Variants in THOC2 observed in about 807,000 individuals in gnomAD.
THOC2 encodes THO complex subunit 2.
THOC2 carries 10 observed loss-of-function variants against 128.4 expected under a neutral mutation model. The ratio of observed to expected loss-of-function variants is 0.08; its 90% CI spans 0.05 to 0.13. The LOEUF is 0.13. Ranked by LOEUF, THOC2 falls within the 10% of genes least tolerant of loss-of-function variation. THOC2 has a pLI of 1.00. For missense variants in THOC2, 535 were observed against 1,155.7 expected, an observed-to-expected ratio of 0.46 and a Z score of 7.79; for synonymous variants, 393 against 396.9, an observed-to-expected ratio of 0.99 and a Z score of 0.12.
chrX:123,609,393 A>C (rs1422454541), intron 38 of THOC2, among the ~76,000 whole-genome samples: 1 of 112,042 alleles, frequency 8.9e-6, no homozygotes, highest in Non-Finnish European at 1.9e-5. Context: ...AGCACCAAAA[A>C]AGCAGGAAAA....
chrX:123,602,451 G>C (rs1052276509), intron 38 of THOC2: 27 of 112,357 alleles, frequency 2.4e-4, no homozygotes, highest in African/African-American at 8.7e-4. Flanking sequence ...TTGAGAACAT[G>C]ATGCTAAGTG....
chrX:123,624,293 A>G, intron 26 of THOC2, 102 bp from the exon 27 acceptor site: 1 of 848,860 alleles, frequency 1.2e-6, no homozygotes, highest in African/African-American at 2.0e-5. Context: ...GTGTAAAAAC[A>G]TCATGCGTAT....
At chrX:123,713,814 T>C (rs1294295637) in intron 1 of THOC2, among the ~76,000 whole-genome samples, 5 of 102,808 alleles carry the variant, frequency 4.9e-5, no homozygotes, top group African/African-American at 1.4e-4. Context: ...GACTGCTCGC[T>C]CCACTGTACT....
chrX:123,665,460 T>C (rs1478314704), intron 12 of THOC2, among the ~76,000 whole-genome samples, 182 bp downstream of exon 12: 1 of 111,819 alleles, frequency 8.9e-6, no homozygotes, highest in Non-Finnish European at 1.9e-5. Flanking sequence ...ATTTCTCACC[T>C]GTCATTAAGC....
chrX:123,708,103 A>G (rs762032660), intron 2 of THOC2, among the ~76,000 whole-genome samples: 1 of 111,082 alleles, frequency 9.0e-6, no homozygotes, highest in South Asian at 3.7e-4. Context: ...TCAAAAAATA[A>G]AAATAAAAAT....
rs776713895 is a variant in THOC2 at position 123,621,539 on chromosome X, T to C, written c.3834A>G (p.Glu1278=). 6.0e-6 allele frequency: 7 copies of C among 1,169,616 alleles called. No individual in the cohort carries two copies. The East Asian group carries it at 1.8e-4, about 30-fold the overall frequency. Residue 1278 remains glutamate, a synonymous_variant, in exon 31 of 39, where the codon GAA becomes GAG. Coordinates refer to ENST00000245838, the MANE Select transcript of THOC2 (RefSeq NM_001081550.2). ...CTGGAGTCTTTTCTTTTTTCTCTTT[T>C]TCTTTCTCTTTCCCTTTTTCTTTGT... ...ENDKEKGKEK[E]KEKKEKTPAT...
intron 1 of THOC2, among the ~76,000 whole-genome samples, chrX:123,726,777 C>CA (rs1436633801): frequency 1.8e-5 from 2 of 112,113 alleles, no homozygotes; most frequent in South Asian, 3.7e-4. Flanking sequence ...ACACAGATGA[C>CA]AATGTCATCA....
In THOC2 at chrX:123,623,977, A is replaced by G; in HGVS notation, c.3319-6T>C. The G allele has an allele frequency of 5.9e-6, 7 of 1,188,352 alleles. No individual in the cohort carries two copies. Among genetic ancestry groups the G allele is most frequent in the Non-Finnish European group, 6.8e-6 (6 of 885,878 alleles). ...TCAAGGCAATGTACCGATGCCTACA[A>G]CAAACATTTTCAGATCCATTATTAT... On this transcript the variant is annotated splice_polypyrimidine_tract_variant and splice_region_variant and intron_variant, in intron 27 of 38. Transcript: ENST00000245838.
intron 12 of THOC2, among the ~76,000 whole-genome samples, chrX:123,654,220 A>T (rs1476147484): frequency 3.7e-5 from 4 of 109,551 alleles, no homozygotes; most frequent in Non-Finnish European, 7.6e-5. Flanking sequence ...ACACAAGGAC[A>T]CAGGGAGGGG....
chrX:123,633,506 A>T (rs1454029202), intron 20 of THOC2, among the ~76,000 whole-genome samples: 3 of 111,350 alleles, frequency 2.7e-5, no homozygotes, highest in Non-Finnish European at 3.8e-5. Context: ...GGGTTCAAGC[A>T]ATTCTCCTGC....
chrX:123,646,656 T>C (rs1488084918), intron 12 of THOC2, among the ~76,000 whole-genome samples: 1 of 112,311 alleles, frequency 8.9e-6, no homozygotes, highest in Non-Finnish European at 1.9e-5. Context: ...ATACACTCAA[T>C]TTGTTTTTAA....
At chrX:123,731,476 G>A (rs1286589783) in intron 1 of THOC2, among the ~76,000 whole-genome samples, 1 of 112,058 alleles carries the variant, frequency 8.9e-6, no homozygotes, top group Non-Finnish European at 1.9e-5. Flanking sequence ...GAGCTGTCCT[G>A]AGAAGTTTAA....
chrX:123,674,220 T>A (rs757099670), intron 8 of THOC2, among the ~76,000 whole-genome samples: 9 of 112,157 alleles, frequency 8.0e-5, no homozygotes, highest in Non-Finnish European at 1.5e-4. Context: ...AGTCTGCCAA[T>A]GTTTGCTTCA....
chrX:123,624,233 T>A (rs779167066), intron 26 of THOC2, 42 bp from the exon 27 acceptor site: 1 of 1,105,829 alleles, frequency 9.0e-7, no homozygotes, highest in South Asian at 2.2e-5. Context: ...AAAATTATGA[T>A]CCACAAAATA....
chrX:123,664,188 C>T (rs935895477), intron 12 of THOC2, among the ~76,000 whole-genome samples: 4 of 112,005 alleles, frequency 3.6e-5, no homozygotes, highest in Non-Finnish European at 5.6e-5. Flanking sequence ...CTTGAGGAAT[C>T]GCCACACTGT....
rs772757115 is a variant in THOC2 at position 123,703,440 on chromosome X, G to A, written c.274+14C>T. 2.7e-6 allele frequency: 3 copies of A among 1,119,281 alleles called. No homozygotes were observed. The Admixed American group carries it at 6.7e-5, about 25-fold the overall frequency. The allele number at this position is 1,119,281 out of a possible 1,213,427, so 92.2% of individuals were successfully genotyped here. On this transcript the variant is annotated intron_variant, in intron 4 of 38. Coordinates refer to ENST00000245838, the MANE Select transcript of THOC2 (RefSeq NM_001081550.2). ...CACAGCACATTACAGGTGAAATAAA[G>A]GCTTAATACCTACCTAATATGCAGA...
chrX:123,673,825 T>C (rs1044885410), intron 8 of THOC2, among the ~76,000 whole-genome samples: 2 of 111,721 alleles, frequency 1.8e-5, no homozygotes, highest in Admixed American at 9.5e-5. Context: ...GGCCTGGAGG[T>C]GATGTGGCAG....
chrX:123,693,406 C>T (rs191303894), intron 7 of THOC2, among the ~76,000 whole-genome samples: 3 of 111,932 alleles, frequency 2.7e-5, no homozygotes, highest in Admixed American at 1.9e-4. Flanking sequence ...GCAGAGGTTG[C>T]GGATAGCCAA....
intron 12 of THOC2, among the ~76,000 whole-genome samples, chrX:123,654,911 A>C (rs906860217): frequency 1.4e-4 from 16 of 110,489 alleles, no homozygotes; most frequent in Non-Finnish European, 1.9e-4. Flanking sequence ...AGGACACACA[A>C]AAAATATATA....
Sources: allele counts gnomAD v4.1 joint callset (sites outside exome capture counted in the v4.1 genomes callset), GRCh38; gene constraint gnomAD v4.1.1; transcripts MANE v1.5; gene names NCBI Gene and HGNC (gene_info 2026-07-23, HGNC 2026-07-21).